The following LAPTM4A variants were observed in gnomAD, a reference collection of about 807,000 sequenced individuals.
LAPTM4A encodes lysosomal protein transmembrane 4 alpha.
LAPTM4A carries 19 observed loss-of-function variants against 29.9 expected under a neutral mutation model. The ratio of observed to expected loss-of-function variants is 0.64; its 90% CI spans 0.44 to 0.93. The LOEUF is 0.93. LAPTM4A is among the 40% of genes least tolerant of loss of function. The pLI is 0.00. For synonymous variants in LAPTM4A, 105 were observed against 102.1 expected (o/e 1.03, Z -0.17); for missense variants, 293 against 288.5 (o/e 1.02, Z -0.11).
At chr2:20,048,781 C>T (rs1673993364) in intron 1 of LAPTM4A, among the ~76,000 whole-genome samples, 1 of 152,206 alleles carries the variant, frequency 6.6e-6, no homozygotes, top group African/African-American at 2.4e-5. Context: ...AATACTCACT[C>T]ATCCCCATAT....
rs765237673 is a variant in LAPTM4A, at chr2:20,037,363, T to C, written c.385A>G (p.Ser129Gly). Residue 129 changes from serine (S) to glycine (G), a missense_variant, in exon 4 of 7, where the codon AGT (serine) becomes GGT (glycine). Transcript: ENST00000175091. ...ATTCTTGGCAAATAGGTGAGAGAAC[T>C]AATAGCAACCAGGCAACTGAGGACG... ...DFVLSCLVAISSLTYLPRIKE... is the reference protein window; with the variant it reads ...DFVLSCLVAIGSLTYLPRIKE... 23 of 1,613,342 alleles carry C rather than the reference T, an allele frequency of 1.4e-5. No individual in the cohort carries two copies. The highest frequency in any genetic ancestry group is 1.9e-5 in the Non-Finnish European group (23 of 1,179,534).
At position 20,032,942 on chromosome 2, in the gene LAPTM4A, C is replaced by G; in HGVS notation, c.*263G>C. On this transcript the variant is annotated 3_prime_UTR_variant, in exon 7 of 7. Coordinates refer to ENST00000175091, the MANE Select transcript of LAPTM4A (RefSeq NM_014713.5). ...AAGTACCCTCTTTCCCTTCCCACCC[C>G]CCAATTAAAGGCAAACAATGGCACT... The G allele has an allele frequency of 2.3e-6, 1 of 441,908 alleles. No individual in the cohort carries two copies. 27.4% of individuals were successfully genotyped at this position (441,908 alleles called of 1,614,324 possible).
intron 4 of LAPTM4A, 71 bp from the exon 5 acceptor site, chr2:20,035,133 T>A (rs757476694): frequency 7.9e-5 from 80 of 1,010,044 alleles, no homozygotes; most frequent in Non-Finnish European, 1.2e-4. Flanking sequence ...CTGAAGAGCA[T>A]CTGAAGAATA....
chr2:20,042,615 T>C (rs1054939941), intron 1 of LAPTM4A, among the ~76,000 whole-genome samples: 1 of 152,178 alleles, frequency 6.6e-6, no homozygotes, highest in Non-Finnish European at 1.5e-5. Flanking sequence ...CTGAATAAAA[T>C]TGTTTAGCTC....
chr2:20,048,156 C>A (rs13422363), intron 1 of LAPTM4A, among the ~76,000 whole-genome samples: 4,022 of 152,288 alleles, frequency 0.026, 167 homozygotes, highest in African/African-American at 0.091. Flanking sequence ...AAAATGTAGT[C>A]TTGTAGTGCA....
intron 1 of LAPTM4A, among the ~76,000 whole-genome samples, chr2:20,042,427 A>G (rs913301690): frequency 9.9e-5 from 15 of 152,244 alleles, no homozygotes; most frequent in African/African-American, 3.4e-4. Flanking sequence ...ATCTTATTAC[A>G]TTCTTGCCTA....
rs1673596707 is a variant in LAPTM4A, at chr2:20,033,029, A to G, written c.*176T>C. The G allele has an allele frequency of 6.7e-6, 4 of 593,282 alleles. No homozygotes were observed. In the South Asian group the frequency reaches 7.0e-5, roughly 10 times the overall value. 36.8% of individuals were successfully genotyped at this position (593,282 alleles called of 1,614,324 possible). ...TTAAAATGTAAAAGACTTAACAAAAAAACAAAAAGACGTTTAACAGATGTC... is the reference window on the plus strand; with the variant it reads ...TTAAAATGTAAAAGACTTAACAAAAGAACAAAAAGACGTTTAACAGATGTC... On this transcript the variant is annotated 3_prime_UTR_variant, in exon 7 of 7. Transcript: ENST00000175091.
At chr2:20,041,885 C>T (rs1362133996) in intron 1 of LAPTM4A, among the ~76,000 whole-genome samples, 1 of 152,126 alleles carries the variant, frequency 6.6e-6, no homozygotes, top group African/African-American at 2.4e-5. Context: ...ATAAGTGCTC[C>T]AATACCTGAA....
intron 2 of LAPTM4A, 110 bp from the exon 3 acceptor site, chr2:20,037,724 C>T: frequency 1.6e-6 from 1 of 611,646 alleles, no homozygotes. Context: ...TCAAAATTGG[C>T]TATAAAAAGA....
chr2:20,046,152 T>C (rs969599337), intron 1 of LAPTM4A, among the ~76,000 whole-genome samples: 5 of 151,982 alleles, frequency 3.3e-5, no homozygotes, highest in Non-Finnish European at 5.9e-5. Context: ...ATGAGAACAC[T>C]TGGACACAGG....
rs1335837546 is a variant in LAPTM4A, at chr2:20,033,067, A to C, written c.*138T>G. 13 of 704,600 alleles carry C rather than the reference A, an allele frequency of 1.8e-5. No individual in the cohort carries two copies. The highest frequency in any genetic ancestry group is 3.2e-5 in the Non-Finnish European group (13 of 401,998). The allele number at this position is 704,600 out of a possible 1,614,324, so 43.6% of individuals were successfully genotyped here. On this transcript the variant is annotated 3_prime_UTR_variant, in exon 7 of 7. Transcript: ENST00000175091. ...TTTAACAGATGTCAAAAAGCTCCTT[A>C]GTGTTTGAAAATAAATGCTTAAACA...
chr2:20,041,755 T>C (rs1673807236), intron 1 of LAPTM4A, among the ~76,000 whole-genome samples: 1 of 152,128 alleles, frequency 6.6e-6, no homozygotes, highest in African/African-American at 2.4e-5. Context: ...GGCTGGTCTC[T>C]AATTCCTGAC....
chr2:20,039,152 A>C (rs950358639), intron 2 of LAPTM4A, among the ~76,000 whole-genome samples: 2 of 152,182 alleles, frequency 1.3e-5, no homozygotes, highest in Non-Finnish European at 2.9e-5. Flanking sequence ...CCTGACCTCA[A>C]GTGATTCACC....
intron 4 of LAPTM4A, 55 bp from the exon 5 acceptor site, chr2:20,035,117 G>T: frequency 8.4e-7 from 1 of 1,193,158 alleles, no homozygotes; most frequent in Non-Finnish European, 1.2e-6. Context: ...AGCACTTGCT[G>T]ATAACCTGAA....
rs772577948 is a variant in LAPTM4A at position 20,051,530 on chromosome 2, C to T, written c.-10G>A. On this transcript the variant is annotated 5_prime_UTR_variant, in exon 1 of 7. Transcript: ENST00000175091. ...AACTCATGGACACCATCGTAACAGG[C>T]GGGCCTCCTTCTTGGCCGGGCCCCT... 51 of 1,560,228 alleles carry T rather than the reference C, an allele frequency of 3.3e-5. No individual in the cohort carries two copies. The highest frequency in any genetic ancestry group is 3.3e-4 in the Middle Eastern group (2 of 5,982).
chr2:20,042,636 C>A (rs1470429727), intron 1 of LAPTM4A, among the ~76,000 whole-genome samples: 1 of 152,226 alleles, frequency 6.6e-6, no homozygotes, highest in Non-Finnish European at 1.5e-5. Context: ...TTTAGAGGAA[C>A]AGCCTGCTGA....
intron 1 of LAPTM4A, among the ~76,000 whole-genome samples, chr2:20,042,893 T>C (rs1335207645): frequency 1.3e-5 from 2 of 152,178 alleles, no homozygotes; most frequent in Non-Finnish European, 1.5e-5. Context: ...TTTGTGAAAA[T>C]GTGAACATCT....
In LAPTM4A at chr2:20,033,353, A is replaced by C. The variant is rs1673613522; in HGVS notation, c.628-74T>G. 4 of 1,163,802 alleles carry C rather than the reference A, an allele frequency of 3.4e-6. No individual in the cohort carries two copies. In the South Asian group the frequency reaches 4.9e-5, roughly 14 times the overall value. 72.1% of individuals were successfully genotyped at this position (1,163,802 alleles called of 1,614,324 possible). A position where few individuals can be genotyped will look rare whatever the true frequency, so the allele number is the denominator to read the frequency against. On this transcript the variant is annotated intron_variant, in intron 6 of 6. Transcript: ENST00000175091. ...CTTTGTGAGATAATTCAGCTTTCAG[A>C]CTTTATGCCCTAAATAGGGTTATAC...
intron 1 of LAPTM4A, among the ~76,000 whole-genome samples, chr2:20,045,193 C>T (rs2169557): frequency 0.58 from 87,827 of 152,132 alleles, 25,926 homozygotes; most frequent in East Asian, 0.81. Flanking sequence ...TCTTACAATA[C>T]AAAATTTCTC....
Sources: allele counts gnomAD v4.1 joint callset (sites outside exome capture counted in the v4.1 genomes callset), GRCh38; gene constraint gnomAD v4.1.1; transcripts MANE v1.5; gene names NCBI Gene and HGNC (gene_info 2026-07-23, HGNC 2026-07-21).